Variants in HS3ST4 observed in about 807,000 individuals in gnomAD.
The protein encoded by HS3ST4 is heparan sulfate glucosamine 3-O-sulfotransferase 4.
A neutral mutation model predicts 29.2 loss-of-function variants in HS3ST4; 17 were observed. The observed-to-expected ratio is 0.58, with a 90% CI of 0.40 to 0.87. The LOEUF (loss-of-function observed/expected upper bound fraction) is 0.87, where lower values mean the gene tolerates loss of function less well. Among genes scored for constraint, HS3ST4 ranks in the 40% least tolerant of loss-of-function variants. The pLI is 0.00. For missense variants in HS3ST4, 627 were observed against 634.5 expected, an observed-to-expected ratio of 0.99 and a Z score of 0.13; for synonymous variants, 314 against 285.7, an observed-to-expected ratio of 1.10 and a Z score of -1.00.
chr16:25,775,897 C>T (rs1256280123), intron 1 of HS3ST4, among the ~76,000 whole-genome samples: 1 of 152,192 alleles, frequency 6.6e-6, no homozygotes, highest in East Asian at 1.9e-4. Flanking sequence ...ACTCCGCATA[C>T]AGTCTTAGTC....
intron 1 of HS3ST4, among the ~76,000 whole-genome samples, chr16:25,886,393 C>G (rs1967953082): frequency 6.6e-6 from 1 of 152,122 alleles, no homozygotes; most frequent in Admixed American, 6.6e-5. Flanking sequence ...AGTCAACCGG[C>G]AGAACACCTA....
intron 1 of HS3ST4, among the ~76,000 whole-genome samples, chr16:25,861,462 A>C (rs1967635594): frequency 6.6e-6 from 1 of 152,228 alleles, no homozygotes; most frequent in Non-Finnish European, 1.5e-5. Flanking sequence ...TCTAGACTTA[A>C]CTGTAATATT....
intron 1 of HS3ST4, among the ~76,000 whole-genome samples, chr16:25,773,476 G>A (rs1198772626): frequency 6.6e-6 from 1 of 152,118 alleles, no homozygotes; most frequent in African/African-American, 2.4e-5. Flanking sequence ...TTGAAGACAG[G>A]GGTTGTACCT....
chr16:26,032,505 C>G (rs888717108), intron 1 of HS3ST4: 4 of 1,314,098 alleles, frequency 3.0e-6, no homozygotes, highest in Non-Finnish European at 4.3e-6. Context: ...TGTACAGTCA[C>G]CAGAAGTACA....
At chr16:25,783,881 C>A (rs1035684007) in intron 1 of HS3ST4, among the ~76,000 whole-genome samples, 5 of 152,028 alleles carry the variant, frequency 3.3e-5, no homozygotes, top group African/African-American at 1.2e-4. Flanking sequence ...TGCTTCACTG[C>A]AGTGCAATTT....
At chr16:25,961,992 A>T (rs1482291595) in intron 1 of HS3ST4, among the ~76,000 whole-genome samples, 2 of 152,218 alleles carry the variant, frequency 1.3e-5, no homozygotes, top group South Asian at 4.1e-4. Flanking sequence ...GATAATAAAA[A>T]TCTTTAAGCT....
At chr16:25,864,664 A>C (rs2141656433) in intron 1 of HS3ST4, among the ~76,000 whole-genome samples, 1 of 152,178 alleles carries the variant, frequency 6.6e-6, no homozygotes, top group African/African-American at 2.4e-5. Flanking sequence ...TCTGTGCCTG[A>C]CATAGTTCAC....
intron 1 of HS3ST4, among the ~76,000 whole-genome samples, chr16:25,748,671 C>T (rs181876404): frequency 1.3e-5 from 2 of 152,228 alleles, no homozygotes; most frequent in African/African-American, 4.8e-5. Flanking sequence ...AATATTATTC[C>T]ATGTCATTAT....
At chr16:26,098,039 A>T (rs1898949280) in intron 1 of HS3ST4, among the ~76,000 whole-genome samples, 1 of 152,236 alleles carries the variant, frequency 6.6e-6, no homozygotes, top group Non-Finnish European at 1.5e-5. Context: ...ATGAGATACC[A>T]TCTCACGCCA....
At chr16:26,135,520 C>G (rs1898270447) in intron 1 of HS3ST4, 92 bp from the exon 2 acceptor site, 2 of 1,261,628 alleles carry the variant, frequency 1.6e-6, no homozygotes, top group Non-Finnish European at 2.2e-6. Context: ...TGGTTCCAAA[C>G]TAGGTTGTTT....
At chr16:25,787,216 A>G (rs537173281) in intron 1 of HS3ST4, among the ~76,000 whole-genome samples, 1 of 152,326 alleles carries the variant, frequency 6.6e-6, no homozygotes, top group East Asian at 1.9e-4. Context: ...TTGAAAGAAA[A>G]ATGTTTTATA....
At chr16:25,928,961 C>T (rs1968437291) in intron 1 of HS3ST4, among the ~76,000 whole-genome samples, 1 of 152,106 alleles carries the variant, frequency 6.6e-6, no homozygotes, top group South Asian at 2.1e-4. Context: ...ATTTAGAGAA[C>T]TGTAAGTAAT....
At chr16:26,100,106 A>T (rs1274382278) in intron 1 of HS3ST4, among the ~76,000 whole-genome samples, 1 of 152,114 alleles carries the variant, frequency 6.6e-6, no homozygotes, top group East Asian at 1.9e-4. Context: ...GGACATACAG[A>T]CGGGAAGAAC....
intron 1 of HS3ST4, among the ~76,000 whole-genome samples, chr16:25,811,563 A>G (rs1967042610): frequency 6.6e-6 from 1 of 150,814 alleles, no homozygotes; most frequent in African/African-American, 2.4e-5. Flanking sequence ...CCTCCCGAGT[A>G]GCTGGGATTA....
intron 1 of HS3ST4, among the ~76,000 whole-genome samples, chr16:26,076,528 C>T (rs1482631247): frequency 2.0e-5 from 3 of 152,128 alleles, no homozygotes; most frequent in African/African-American, 7.2e-5. Context: ...GGGTTGGGAG[C>T]TAAGGAAGCA....
chr16:25,815,337 A>G (rs966624953), intron 1 of HS3ST4, among the ~76,000 whole-genome samples: 4 of 152,104 alleles, frequency 2.6e-5, no homozygotes, highest in African/African-American at 7.2e-5. Flanking sequence ...AGCACAAAGG[A>G]AATATTTTTC....
rs368661193 is a variant in HS3ST4 at position 26,038,752 on chromosome 16, C to T, written c.735-96860C>T. The stretch of plus-strand genomic sequence containing the variant: ...AGGCTGGAGTGCAGTGGTGCGATCT[C>T]GGCTCACTGCAAGCTCCGCCTCCCG... On this transcript the variant is annotated intron_variant, in intron 1 of 1. Coordinates refer to ENST00000331351, the MANE Select transcript of HS3ST4 (RefSeq NM_006040.3). Among the ~76,000 whole-genome samples, 11 of 152,154 alleles carry T rather than the reference C, an allele frequency of 7.2e-5. No individual in the cohort carries two copies. In the East Asian group the frequency reaches 1.2e-3, roughly 16 times the overall value.
intron 1 of HS3ST4, among the ~76,000 whole-genome samples, chr16:25,857,495 G>A (rs1027771850): frequency 2.6e-5 from 4 of 152,106 alleles, no homozygotes; most frequent in African/African-American, 4.8e-5. Context: ...ACACTTCTGC[G>A]TATGATTGGC....
chr16:25,897,555 G>A lies in HS3ST4; in HGVS notation c.734+204404G>A, dbSNP rs538285265. Among the ~76,000 whole-genome samples the A allele has an allele frequency of 7.9e-5, 12 of 152,288 alleles. No individual in the cohort carries two copies. In the East Asian group the frequency reaches 1.2e-3, roughly 15 times the overall value. ...CCAGAGGGGATCCTTTGCTGGCTGCGTGATCATGGGCAAGTCACCCAGTTC... is the reference window on the plus strand; with the variant it reads ...CCAGAGGGGATCCTTTGCTGGCTGCATGATCATGGGCAAGTCACCCAGTTC... On this transcript the variant is annotated intron_variant, in intron 1 of 1. Transcript: ENST00000331351.
Sources: allele counts gnomAD v4.1 joint callset (sites outside exome capture counted in the v4.1 genomes callset), GRCh38; gene constraint gnomAD v4.1.1; transcripts MANE v1.5; gene names NCBI Gene and HGNC (gene_info 2026-07-23, HGNC 2026-07-21).